CLOCK: variants seen among roughly 807,000 people sequenced by gnomAD.
CLOCK encodes circadian locomoter output cycles protein kaput.
Under a neutral mutation model 118.4 loss-of-function variants are expected in CLOCK, and 43 were observed. The observed-to-expected ratio is 0.36, with a 90% confidence interval of 0.28 to 0.47. The LOEUF (loss-of-function observed/expected upper bound fraction) is 0.47, where lower values mean the gene tolerates loss of function less well. Among genes scored for constraint, CLOCK ranks in the 20% least tolerant of loss-of-function variants. CLOCK has a pLI of 1.00. For synonymous variants in CLOCK, 326 were observed against 339.2 expected (o/e 0.96, Z 0.43); for missense variants, 846 against 999.9 (o/e 0.85, Z 2.08).
chr4:55,494,974 T>A (rs561175638), intron 2 of CLOCK, among the ~76,000 whole-genome samples: 1 of 152,284 alleles, frequency 6.6e-6, no homozygotes, highest in African/African-American at 2.4e-5. Context: ...GTTATTTGTA[T>A]GGTAGCAACA....
chr4:55,456,180 G>A (rs1406610095), intron 12 of CLOCK, 38 bp downstream of exon 12: 2 of 1,442,366 alleles, frequency 1.4e-6, no homozygotes, highest in Non-Finnish European at 1.9e-6. Flanking sequence ...TATATAACAT[G>A]ACTATTACCT....
chr4:55,475,610 C>A (rs761073499), intron 7 of CLOCK, among the ~76,000 whole-genome samples: 51 of 152,276 alleles, frequency 3.3e-4, no homozygotes, highest in Admixed American at 1.7e-3. Context: ...GCCACCCCAA[C>A]CTTCAGCAAC....
intron 1 of CLOCK, among the ~76,000 whole-genome samples, chr4:55,519,410 T>C (rs1357812122): frequency 6.6e-6 from 1 of 152,120 alleles, no homozygotes; most frequent in Non-Finnish European, 1.5e-5. Context: ...GGGCTTGTAA[T>C]TCTCTTCTTG....
intron 7 of CLOCK, among the ~76,000 whole-genome samples, chr4:55,471,602 G>C (rs1156886279): frequency 6.6e-6 from 1 of 152,224 alleles, no homozygotes; most frequent in Non-Finnish European, 1.5e-5. Context: ...AGAGAAGTCA[G>C]AGCAGGGAGT....
chr4:55,538,912 C>G (rs1183720367), intron 1 of CLOCK, among the ~76,000 whole-genome samples: 1 of 152,130 alleles, frequency 6.6e-6, no homozygotes, highest in Non-Finnish European at 1.5e-5. Context: ...AAAATAACTA[C>G]CAACTTAGAA....
chr4:55,515,087 T>C (rs561626940), intron 1 of CLOCK, among the ~76,000 whole-genome samples: 2 of 152,326 alleles, frequency 1.3e-5, no homozygotes, highest in African/African-American at 4.8e-5. Flanking sequence ...ATTCAGATTG[T>C]CTACTTCTTG....
chr4:55,462,842 A>ATT (rs879374535), intron 9 of CLOCK, among the ~76,000 whole-genome samples: 1 of 88,690 alleles, frequency 1.1e-5, no homozygotes, highest in Non-Finnish European at 2.6e-5. Flanking sequence ...ATACACACAG[A>ATT]TTTGTGTGAG....
At chr4:55,504,553 A>T (rs1293375468) in intron 2 of CLOCK, among the ~76,000 whole-genome samples, 3 of 152,176 alleles carry the variant, frequency 2.0e-5, no homozygotes, top group Admixed American at 6.5e-5. Context: ...TAGTAAAACC[A>T]GACCCACTTT....
chr4:55,440,555 A>G (rs1449166453), intron 21 of CLOCK, among the ~76,000 whole-genome samples: 2 of 152,204 alleles, frequency 1.3e-5, no homozygotes, highest in Non-Finnish European at 2.9e-5. Flanking sequence ...AAAATACTCT[A>G]TTTTATACAC....
At chr4:55,537,179 A>G (rs1271024735) in intron 1 of CLOCK, among the ~76,000 whole-genome samples, 2 of 152,206 alleles carry the variant, frequency 1.3e-5, no homozygotes. Flanking sequence ...ATGAAAATGG[A>G]AACATATCAA....
intron 1 of CLOCK, among the ~76,000 whole-genome samples, chr4:55,525,447 C>T (rs1730120428): frequency 6.6e-6 from 1 of 152,114 alleles, no homozygotes; most frequent in South Asian, 2.1e-4. Flanking sequence ...TGCACTCCAG[C>T]CTGGGTAACA....
At chr4:55,475,517 T>G (rs2109876648) in intron 7 of CLOCK, among the ~76,000 whole-genome samples, 1 of 152,318 alleles carries the variant, frequency 6.6e-6, no homozygotes, top group South Asian at 2.1e-4. Context: ...CAAACAGCAC[T>G]GCATGTTACA....
In CLOCK at chr4:55,448,817, G is replaced by C. The variant is rs534606919; in HGVS notation, c.1501C>G (p.Gln501Glu). ...GSSLTQPVMS[Q>E]ATNLPIPQGM... ...TGTGGAATTGGTAAATTTGTAGCTT[G>C]AGACATCACTGGCTGTGTTAATGAT... Residue 501 changes from glutamine to glutamate, a missense_variant, in exon 18 of 23, where the codon CAA becomes GAA. Coordinates refer to ENST00000513440, the MANE Select transcript of CLOCK (RefSeq NM_004898.4). 5 of 1,613,984 alleles carry C rather than the reference G, an allele frequency of 3.1e-6. No homozygotes were observed. The East Asian group carries it at 6.7e-5, about 22-fold the overall frequency.
chr4:55,462,643 C>T (rs550442543), intron 9 of CLOCK, among the ~76,000 whole-genome samples: 44 of 152,322 alleles, frequency 2.9e-4, no homozygotes, highest in Admixed American at 1.2e-3. Flanking sequence ...TCCATTCCAT[C>T]CATGGCTTCA....
At chr4:55,457,150 T>C (rs1217044945) in intron 11 of CLOCK, among the ~76,000 whole-genome samples, 1 of 152,210 alleles carries the variant, frequency 6.6e-6, no homozygotes, top group Non-Finnish European at 1.5e-5. Context: ...TACAGTTCCA[T>C]ATTTCCAAAT....
rs1165777302 is a variant in CLOCK at position 55,445,184 on chromosome 4, GAAATGTAATTTAGTA to G, written c.1540-414_1540-400del. 5.3e-4 allele frequency among the ~76,000 whole-genome samples: 37 copies of G among 69,598 alleles called. 11 individuals carry two copies. The highest frequency in any genetic ancestry group is 1.3e-3 in the South Asian group (2 of 1,572). The allele number at this position is 69,598 out of a possible 152,430, so 45.7% of individuals were successfully genotyped here. ...TTCTGAAATCAAAGTTGTGTGCCCT[GAAATGTAATTTAGTA>G]TCCCAAATACAAACTATTGAAGATA... On this transcript the variant is annotated intron_variant, in intron 18 of 22. Coordinates refer to ENST00000513440, the MANE Select transcript of CLOCK (RefSeq NM_004898.4).
intron 4 of CLOCK, 53 bp downstream of exon 4, chr4:55,482,686 A>T: frequency 8.5e-7 from 1 of 1,183,364 alleles, no homozygotes; most frequent in Non-Finnish European, 1.2e-6. Flanking sequence ...TTATTCTAAT[A>T]GTGCATTTTA....
intron 3 of CLOCK, chr4:55,486,339 A>G (rs928776881): frequency 6.6e-6 from 1 of 152,162 alleles, no homozygotes. Context: ...TCACAGTAGT[A>G]TCTCTAGAAA....
intron 2 of CLOCK, among the ~76,000 whole-genome samples, chr4:55,491,509 A>G (rs1050600895): frequency 6.9e-6 from 1 of 143,996 alleles, no homozygotes; most frequent in Admixed American, 6.9e-5. Context: ...CTGATGTCAC[A>G]GAAATAAAAA....
Sources: gnomAD v4.1 joint callset for allele counts (sites outside exome capture counted in the v4.1 genomes callset) on GRCh38, gnomAD v4.1.1 for gene constraint, MANE v1.5 for transcripts, NCBI Gene and HGNC (gene_info 2026-07-23, HGNC 2026-07-21) for gene names.